The following CACNA1B variants were observed in gnomAD, a reference collection of about 807,000 sequenced individuals.
CACNA1B encodes the protein calcium voltage-gated channel subunit alpha1 B.
A neutral mutation model predicts 247.2 loss-of-function variants in CACNA1B; 70 were observed. That is an observed-to-expected ratio of 0.28 (90% CI 0.23 to 0.35). The LOEUF is 0.35. Among genes scored for constraint, CACNA1B ranks in the 10% least tolerant of loss-of-function variants. CACNA1B has a pLI of 1.00. For synonymous variants in CACNA1B, 1,231 were observed against 1,294.4 expected, an observed-to-expected ratio of 0.95 and a Z score of 1.05; for missense variants, 2,367 against 3,197.4, an observed-to-expected ratio of 0.74 and a Z score of 6.26.
At chr9:138,016,139 CAT>C (rs960968033) in intron 18 of CACNA1B, among the ~76,000 whole-genome samples, 3 of 152,164 alleles carry the variant, frequency 2.0e-5, no homozygotes, top group African/African-American at 7.2e-5. Context: ...CTGTCAATCA[CAT>C]ACACACATAA....
intron 18 of CACNA1B, 126 bp from the exon 19 acceptor site, chr9:138,022,885 G>C (rs1393047209): frequency 7.9e-7 from 1 of 1,266,810 alleles, no homozygotes; most frequent in Admixed American, 3.7e-5. Flanking sequence ...GGGTGTGGGG[G>C]CTCCCGCGGC....
At chr9:137,879,548 T>C (rs1956888164) in intron 2 of CACNA1B, among the ~76,000 whole-genome samples, 1 of 152,254 alleles carries the variant, frequency 6.6e-6, no homozygotes, top group Non-Finnish European at 1.5e-5. Flanking sequence ...TGGGCTGAGA[T>C]GGGCTTTGGC....
At chr9:138,089,523 AT>A (rs1330924773) in intron 36 of CACNA1B, among the ~76,000 whole-genome samples, 25 of 152,344 alleles carry the variant, frequency 1.6e-4, no homozygotes, top group African/African-American at 5.5e-4. Flanking sequence ...CCTCAACACA[AT>A]AAAGGTTGTA....
chr9:138,094,371 T>A (rs962423674), intron 36 of CACNA1B, among the ~76,000 whole-genome samples: 2 of 150,690 alleles, frequency 1.3e-5, no homozygotes, highest in Non-Finnish European at 3.0e-5. Flanking sequence ...GTGAATATAC[T>A]TAATGCCACT....
chr9:138,048,626 C>T (rs1372585130), intron 23 of CACNA1B, among the ~76,000 whole-genome samples: 1 of 152,192 alleles, frequency 6.6e-6, no homozygotes, highest in Admixed American at 6.5e-5. Context: ...TGCACTCAGC[C>T]ACACTGAGCC....
In CACNA1B at chr9:138,057,832, A is replaced by G; in HGVS notation, c.4069A>G (p.Thr1357Ala). 1 of 1,610,252 alleles carries G rather than the reference A, an allele frequency of 6.2e-7. No individual in the cohort carries two copies. Among genetic ancestry groups the G allele is most frequent in the Non-Finnish European group, 8.5e-7 (1 of 1,177,012 alleles). ...HYDNVLWALL[T>A]LFTVSTGEGW... ...CGACAATGTGCTCTGGGCTCTGCTG[A>G]CGCTGTTCACAGTGTCCACGGGAGA... Residue 1357 changes from threonine (T) to alanine (A), a missense_variant, in exon 27 of 47, where the codon ACG becomes GCG. Physicochemically the swap from Thr to Ala is moderately conservative, Grantham distance 58. Around this residue, in one of 12 missense-constraint regions of CACNA1B, gnomAD observed 436 missense variants for 679.5 expected, o/e 0.64. Coordinates refer to ENST00000371372, the MANE Select transcript of CACNA1B (RefSeq NM_000718.4). This position sits in a 1 kb window ranked among gnomAD's most constrained non-coding sequence, Gnocchi z 4.0.
rs1478329637 is a variant in CACNA1B at position 137,882,335 on chromosome 9, A to G, written c.391-409A>G. On this transcript the variant is annotated intron_variant, in intron 2 of 46. Transcript: ENST00000371372. The surrounding 1 kb of genome is among the most constrained non-coding windows in gnomAD (Gnocchi z 4.0). ...TATTAAAGGGCCACCCTAGTTGATA[A>G]AGGAAAAACTACCTGATAAGCACCC... Among the ~76,000 whole-genome samples the G allele has an allele frequency of 6.6e-6, 1 of 152,104 alleles. No homozygotes were observed. The highest frequency in any genetic ancestry group is 1.5e-5 in the Non-Finnish European group (1 of 68,006).
intron 3 of CACNA1B, among the ~76,000 whole-genome samples, chr9:137,912,871 G>A (rs1176602466): frequency 3.3e-5 from 5 of 152,146 alleles, no homozygotes; most frequent in African/African-American, 1.2e-4. Context: ...GCCATGCCAG[G>A]GGCCAAGTGT....
At chr9:137,948,586 A>G (rs1957825464) in intron 6 of CACNA1B, among the ~76,000 whole-genome samples, 1 of 150,508 alleles carries the variant, frequency 6.6e-6, no homozygotes, top group African/African-American at 2.4e-5. Context: ...TCAGAATTTC[A>G]TTTTGGCAAG....
intron 25 of CACNA1B, among the ~76,000 whole-genome samples, chr9:138,053,326 G>A (rs941913713): frequency 1.3e-5 from 2 of 152,216 alleles, no homozygotes; most frequent in South Asian, 4.1e-4. Flanking sequence ...CCCTCCATCC[G>A]GGCCAAGATG....
chr9:137,932,744 C>T (rs888367839), intron 6 of CACNA1B, among the ~76,000 whole-genome samples: 9 of 152,122 alleles, frequency 5.9e-5, no homozygotes, highest in Non-Finnish European at 1.2e-4. Context: ...GGGCCTGCCT[C>T]GACCATACTT....
intron 3 of CACNA1B, among the ~76,000 whole-genome samples, chr9:137,896,064 C>G (rs952000006): frequency 2.0e-5 from 3 of 151,942 alleles, no homozygotes; most frequent in African/African-American, 7.3e-5. Context: ...ACGGTGAAAC[C>G]CTGTCTCTAC....
chr9:138,024,336 T>A (rs1387477638), intron 19 of CACNA1B, among the ~76,000 whole-genome samples: 3 of 152,076 alleles, frequency 2.0e-5, no homozygotes, highest in Non-Finnish European at 2.9e-5. Context: ...CGTGAGGGCC[T>A]GGGGTAACAG....
At chr9:138,046,855 G>C in intron 21 of CACNA1B, 49 bp from the exon 22 acceptor site, 1 of 1,584,348 alleles carries the variant, frequency 6.3e-7, no homozygotes. Flanking sequence ...GGCAAGGGGT[G>C]GCGCGCCCGG....
chr9:138,021,253 G>A (rs745325481), intron 18 of CACNA1B, among the ~76,000 whole-genome samples: 1 of 152,204 alleles, frequency 6.6e-6, no homozygotes, highest in Non-Finnish European at 1.5e-5. Flanking sequence ...TACAGGTCAG[G>A]GCCTGGGGCT....
At chr9:138,101,060 C>T (rs774612334) in intron 37 of CACNA1B, 10 of 498,262 alleles carry the variant, frequency 2.0e-5, no homozygotes, top group African/African-American at 1.9e-4. Context: ...GGGTCGGGCT[C>T]CATCCTGCCT....
chr9:138,047,117 G>A, intron 22 of CACNA1B, 84 bp downstream of exon 22: 2 of 1,325,068 alleles, frequency 1.5e-6, no homozygotes, highest in Non-Finnish European at 2.1e-6. Context: ...GGCTGGGGTG[G>A]GGCTGAGGTC....
At chr9:137,894,654 C>T (rs896173993) in intron 3 of CACNA1B, among the ~76,000 whole-genome samples, 1 of 152,134 alleles carries the variant, frequency 6.6e-6, no homozygotes. Flanking sequence ...GTGATCCGCC[C>T]ACCTCGGCCT....
chr9:137,996,391 G>T (rs1958501137), intron 15 of CACNA1B, among the ~76,000 whole-genome samples: 1 of 152,182 alleles, frequency 6.6e-6, no homozygotes, highest in African/African-American at 2.4e-5. Context: ...GGCTACTATT[G>T]TAAGTGAAGT....
Sources: allele counts gnomAD v4.1 joint callset (sites outside exome capture counted in the v4.1 genomes callset), GRCh38; gene constraint gnomAD v4.1.1; regional missense constraint gnomAD v4.1.1; non-coding constraint Gnocchi (gnomAD v3.1); transcripts MANE v1.5; gene names NCBI Gene and HGNC (gene_info 2026-07-23, HGNC 2026-07-21).